The following UNC5C variants were observed in gnomAD, a reference collection of about 807,000 sequenced individuals.
UNC5C encodes netrin receptor UNC5C.
Under a neutral mutation model 99.8 loss-of-function variants are expected in UNC5C, and 47 were observed. The observed-to-expected ratio is 0.47, with a 90% confidence interval of 0.37 to 0.60. The LOEUF (loss-of-function observed/expected upper bound fraction) is 0.60. UNC5C is among the 20% of genes least tolerant of loss of function. UNC5C has a pLI of 0.00. For synonymous variants in UNC5C, 487 were observed against 452.2 expected, an observed-to-expected ratio of 1.08 and a Z score of -0.98; for missense variants, 1,062 against 1,165.9, an observed-to-expected ratio of 0.91 and a Z score of 1.30.
At chr4:95,495,227 T>C (rs1218406613) in intron 1 of UNC5C, among the ~76,000 whole-genome samples, 1 of 151,498 alleles carries the variant, frequency 6.6e-6, no homozygotes, top group Non-Finnish European at 1.5e-5. Flanking sequence ...TCTAACACAC[T>C]CCCCACTCCC....
intron 7 of UNC5C, among the ~76,000 whole-genome samples, chr4:95,236,791 A>G (rs1452183097): frequency 6.6e-6 from 1 of 152,198 alleles, no homozygotes; most frequent in East Asian, 1.9e-4. Context: ...AGCGGACATC[A>G]TAAATGATGT....
Position 95,164,659 on chromosome 4 carries a change from A to G in UNC5C, c.*4575T>C, listed in dbSNP as rs1433265342. 3.3e-5 allele frequency: 5 copies of G among 152,240 alleles called. No individual in the cohort carries two copies. Among genetic ancestry groups the G allele is most frequent in the Admixed American group, 2.6e-4 (4 of 15,280 alleles). The allele number at this position is 152,240 out of a possible 1,614,324, so 9.4% of individuals were successfully genotyped here. The stretch of plus-strand genomic sequence containing the variant: ...ATGCTTATCAACCATTATCTTGAGC[A>G]ATGATGTACTGCTTCACAAAAGCTC... On this transcript the variant is annotated 3_prime_UTR_variant, in exon 16 of 16. Transcript: ENST00000453304.
At chr4:95,471,639 AAC>A (rs1747971463) in intron 1 of UNC5C, among the ~76,000 whole-genome samples, 2 of 152,070 alleles carry the variant, frequency 1.3e-5, no homozygotes, top group Non-Finnish European at 2.9e-5. Flanking sequence ...TTTTTTTCTT[AAC>A]ACAGTTTGCT....
intron 1 of UNC5C, among the ~76,000 whole-genome samples, chr4:95,439,762 C>A (rs1403598966): frequency 6.6e-6 from 1 of 151,936 alleles, no homozygotes; most frequent in Non-Finnish European, 1.5e-5. Context: ...ATGAATATTC[C>A]CATTTAGACT....
chr4:95,335,686 C>A, intron 1 of UNC5C, 55 bp from the exon 2 acceptor site: 3 of 1,409,250 alleles, frequency 2.1e-6, no homozygotes, highest in Admixed American at 2.2e-5. Flanking sequence ...AACTTGCCTT[C>A]TACTTGCTAG....
chr4:95,186,567 C>G (rs1195376654), intron 12 of UNC5C, among the ~76,000 whole-genome samples: 3 of 152,202 alleles, frequency 2.0e-5, no homozygotes, highest in Non-Finnish European at 4.4e-5. Flanking sequence ...TATCTGTCAT[C>G]TTTTGGTGAG....
intron 7 of UNC5C, among the ~76,000 whole-genome samples, chr4:95,240,548 G>A (rs181328429): frequency 1.1e-3 from 161 of 152,250 alleles, no homozygotes; most frequent in African/African-American, 3.7e-3. Flanking sequence ...GAAATAAATA[G>A]CTTTAAATGG....
chr4:95,445,971 A>C (rs571308537), intron 1 of UNC5C, among the ~76,000 whole-genome samples: 5 of 84,566 alleles, frequency 5.9e-5, no homozygotes, highest in Non-Finnish European at 3.1e-5. Context: ...TGCAAAAAAA[A>C]CAAAACAAAA....
chr4:95,443,581 T>A (rs265024), intron 1 of UNC5C, among the ~76,000 whole-genome samples: 1 of 151,976 alleles, frequency 6.6e-6, no homozygotes, highest in South Asian at 2.1e-4. Context: ...AATAAATAAT[T>A]CTTTTATTTG....
At chr4:95,432,679 T>C (rs1034961174) in intron 1 of UNC5C, among the ~76,000 whole-genome samples, 3 of 152,082 alleles carry the variant, frequency 2.0e-5, no homozygotes, top group Admixed American at 6.6e-5. Context: ...TAAATACCCC[T>C]GATTTACTGA....
chr4:95,548,682 G>C (rs1205872602), intron 1 of UNC5C, 52 bp downstream of exon 1: 6 of 1,589,758 alleles, frequency 3.8e-6, no homozygotes, highest in Non-Finnish European at 5.1e-6. Flanking sequence ...AGAGGAAGGA[G>C]GGAAGGAAGA....
At chr4:95,448,223 T>TGAGAGAGA (rs1355886184) in intron 1 of UNC5C, among the ~76,000 whole-genome samples, 10 of 108,044 alleles carry the variant, frequency 9.3e-5, no homozygotes, top group African/African-American at 3.3e-4. Context: ...TGTGTGTGTG[T>TGAGAGAGA]GTGTGAGAGA....
In UNC5C at chr4:95,258,746, C is replaced by CTTTTT. The variant is rs775570031; in HGVS notation, c.595-8084_595-8080dup. Among the ~76,000 whole-genome samples, 14 of 76,042 alleles carry CTTTTT rather than the reference C, an allele frequency of 1.8e-4. 1 individual carries two copies. The East Asian group carries it at 3.2e-3, about 17-fold the overall frequency. The allele number at this position is 76,042 out of a possible 152,430, so 49.9% of individuals were successfully genotyped here. A position where few individuals can be genotyped will look rare whatever the true frequency, so the allele number is the denominator to read the frequency against. On this transcript the variant is annotated intron_variant, in intron 4 of 15. Coordinates refer to ENST00000453304, the MANE Select transcript of UNC5C (RefSeq NM_003728.4). ...ACTATGTGTAATCGACCATCTTATT[C>CTTTTT]TTTTTTTTTTTTTTTTTTTTTTTTT...
intron 1 of UNC5C, among the ~76,000 whole-genome samples, chr4:95,505,274 G>A (rs4699267): frequency 0.9 from 136,904 of 152,084 alleles, 61,704 homozygotes; most frequent in Non-Finnish European, 0.92. Context: ...GCCAATTCAA[G>A]AGTTCCTGTC....
chr4:95,254,565 T>C (rs1268551213), intron 4 of UNC5C, among the ~76,000 whole-genome samples: 1 of 152,174 alleles, frequency 6.6e-6, no homozygotes, highest in Non-Finnish European at 1.5e-5. Flanking sequence ...CCTGGATCAA[T>C]AGCATCAGTG....
chr4:95,188,511 G>A (rs918987565), intron 12 of UNC5C, among the ~76,000 whole-genome samples: 2 of 152,174 alleles, frequency 1.3e-5, no homozygotes, highest in East Asian at 1.9e-4. Flanking sequence ...AAGCCTGCCC[G>A]AAAGGCTAAT....
chr4:95,264,531 A>C (rs1255914568), intron 4 of UNC5C, among the ~76,000 whole-genome samples: 1 of 152,210 alleles, frequency 6.6e-6, no homozygotes, highest in Non-Finnish European at 1.5e-5. Context: ...TAATACAGAA[A>C]CATGCCTGCA....
chr4:95,235,185 T>C (rs1240272426), intron 7 of UNC5C, among the ~76,000 whole-genome samples: 2 of 152,208 alleles, frequency 1.3e-5, no homozygotes, highest in African/African-American at 4.8e-5. Context: ...GTGACATTGC[T>C]AGTTCTTAAA....
chr4:95,477,243 T>C (rs751150505), intron 1 of UNC5C, among the ~76,000 whole-genome samples: 1 of 151,624 alleles, frequency 6.6e-6, no homozygotes, highest in Non-Finnish European at 1.5e-5. Context: ...TTTTGTATCA[T>C]ATATATATAT....
Sources: allele counts gnomAD v4.1 joint callset (sites outside exome capture counted in the v4.1 genomes callset), GRCh38; gene constraint gnomAD v4.1.1; transcripts MANE v1.5; gene names NCBI Gene and HGNC (gene_info 2026-07-23, HGNC 2026-07-21).